Variants in KNTC1 observed in about 807,000 individuals in gnomAD.
KNTC1 encodes the protein kinetochore associated 1.
In KNTC1, 253 loss-of-function variants were observed where a neutral mutation model predicts 314.4. The ratio of observed to expected loss-of-function variants is 0.80; its 90% CI spans 0.73 to 0.89. The LOEUF (loss-of-function observed/expected upper bound fraction) is 0.89. Among genes scored for constraint, KNTC1 ranks in the 40% least tolerant of loss-of-function variants. The pLI, the probability that KNTC1 is intolerant of heterozygous loss-of-function variation, is 0.00. For missense variants in KNTC1, 2,475 were observed against 2,572.9 expected, an observed-to-expected ratio of 0.96 and a Z score of 0.82; for synonymous variants, 901 against 901.4, an observed-to-expected ratio of 1.00 and a Z score of 0.01.
intron 39 of KNTC1, 148 bp downstream of exon 39, chr12:122,588,022 C>G: frequency 3.0e-6 from 2 of 664,758 alleles, no homozygotes; most frequent in Non-Finnish European, 4.8e-6. Context: ...TTGAGCATCT[C>G]TAAGAATCTG....
intron 40 of KNTC1, among the ~76,000 whole-genome samples, chr12:122,589,643 A>C (rs1869877398): frequency 6.6e-6 from 1 of 151,028 alleles, no homozygotes; most frequent in African/African-American, 2.4e-5. Context: ...GCCAATTTGT[A>C]AAAATTTTTT....
chr12:122,594,529 A>G (rs1870767002), intron 43 of KNTC1, 144 bp downstream of exon 43: 1 of 600,782 alleles, frequency 1.7e-6, no homozygotes, highest in Admixed American at 3.1e-5. Context: ...TAAATATGAA[A>G]TCAGATTAGA....
In KNTC1 at chr12:122,582,895, C is replaced by T. The variant is rs1160739010; in HGVS notation, c.3173C>T (p.Ala1058Val). The change falls in exon 34 of 64, where the codon GCC becomes GTC. Residue 1058 changes from alanine (A) to valine (V), a missense_variant. Coordinates refer to ENST00000333479, the MANE Select transcript of KNTC1 (RefSeq NM_014708.6). ...TCAAAGCTGCACAGACAGGCACTGG[C>T]CCTGCAGATGTCCAAACAAGAGCTG... ...MESKLHRQAL[A>V]LQMSKQELEA... 6.2e-7 allele frequency: 1 copy of T among 1,613,036 alleles called. No individual in the cohort carries two copies. The highest frequency in any genetic ancestry group is 8.5e-7 in the Non-Finnish European group (1 of 1,179,512).
intron 19 of KNTC1, 113 bp from the exon 20 acceptor site, chr12:122,562,525 G>A (rs922985412): frequency 3.0e-6 from 2 of 668,866 alleles, no homozygotes; most frequent in East Asian, 2.9e-5. Flanking sequence ...GAGTTGTGAT[G>A]TGAGATAAAT....
chr12:122,576,329 A>G (rs1965018589), intron 29 of KNTC1, among the ~76,000 whole-genome samples: 1 of 151,988 alleles, frequency 6.6e-6, no homozygotes, highest in Non-Finnish European at 1.5e-5. Context: ...TCGGCCTCCC[A>G]TAGTGTTGGG....
chr12:122,538,268 A>G (rs1180446853), intron 3 of KNTC1, 71 bp from the exon 4 acceptor site: 15 of 890,632 alleles, frequency 1.7e-5, no homozygotes, highest in Non-Finnish European at 2.3e-5. Flanking sequence ...AATGAGAAAA[A>G]TTTGTATTTT....
intron 62 of KNTC1, among the ~76,000 whole-genome samples, chr12:122,623,849 C>T (rs1435638210): frequency 3.9e-5 from 6 of 152,068 alleles, no homozygotes; most frequent in African/African-American, 1.4e-4. Flanking sequence ...GGTGGATCAC[C>T]TGAGGTTAGG....
At chr12:122,619,481 C>T (rs1391024558) in intron 59 of KNTC1, among the ~76,000 whole-genome samples, 2 of 152,054 alleles carry the variant, frequency 1.3e-5, no homozygotes, top group South Asian at 2.1e-4. Flanking sequence ...GGCGCCATCT[C>T]GGCTCACTGT....
At chr12:122,558,239 G>C (rs989130202) in intron 18 of KNTC1, among the ~76,000 whole-genome samples, 1 of 151,646 alleles carries the variant, frequency 6.6e-6, no homozygotes, top group African/African-American at 2.4e-5. Flanking sequence ...GACAGAGCAA[G>C]ACTGTGTCTC....
At chr12:122,528,043 A>G (rs899785679) in intron 1 of KNTC1, among the ~76,000 whole-genome samples, 1 of 152,212 alleles carries the variant, frequency 6.6e-6, no homozygotes, top group African/African-American at 2.4e-5. Context: ...GCAAAAACAT[A>G]AACTTCATAA....
intron 33 of KNTC1, among the ~76,000 whole-genome samples, chr12:122,582,245 C>T (rs972635283): frequency 3.3e-5 from 5 of 152,138 alleles, no homozygotes; most frequent in East Asian, 1.9e-4. Context: ...AGTGAGACCT[C>T]GTCTCTACTA....
chr12:122,607,726 A>C (rs567752921), intron 51 of KNTC1, among the ~76,000 whole-genome samples: 14 of 151,958 alleles, frequency 9.2e-5, no homozygotes, highest in Middle Eastern at 6.8e-3. Flanking sequence ...TCCTCTTCCA[A>C]CTCCTTTCCT....
At position 122,603,133 on chromosome 12, in the gene KNTC1, A is replaced by T. The variant is rs1426859546; in HGVS notation, c.4991A>T (p.Asn1664Ile). The part of the protein sequence containing the change: ...LTQAKSSTLI[N>I]KEITKITQTI... Reference sequence around the variant, plus strand: ...CAAGCTAAATCCTCAACACTGATTAACAAGGAAATAACTAAGATCACGCAG... The same window carrying T: ...CAAGCTAAATCCTCAACACTGATTATCAAGGAAATAACTAAGATCACGCAG... Residue 1664 changes from asparagine to isoleucine, a missense_variant, in exon 48 of 64, where the codon AAC becomes ATC. Physicochemically the swap from Asn to Ile is moderately radical, Grantham distance 149. Coordinates refer to ENST00000333479, the MANE Select transcript of KNTC1 (RefSeq NM_014708.6). 1 of 1,613,762 alleles carries T rather than the reference A, an allele frequency of 6.2e-7. No homozygotes were observed. The highest frequency in any genetic ancestry group is 8.5e-7 in the Non-Finnish European group (1 of 1,179,854).
chr12:122,625,374 A>G (rs1199008097), intron 63 of KNTC1, among the ~76,000 whole-genome samples: 2 of 151,762 alleles, frequency 1.3e-5, no homozygotes, highest in East Asian at 3.9e-4. Flanking sequence ...CTGCACCCCA[A>G]CCTGGCTGAC....
chr12:122,557,699 T>A lies in KNTC1; in HGVS notation c.1488+10T>A, dbSNP rs763248953. ...TTATGCCAAAACCAGGGTAGGTTCGTTTTTTTGTATTTTGTTTTTTTGGGG... is the reference window on the plus strand; with the variant it reads ...TTATGCCAAAACCAGGGTAGGTTCGATTTTTTGTATTTTGTTTTTTTGGGG... On this transcript the variant is annotated intron_variant, in intron 18 of 63. Coordinates refer to ENST00000333479, the MANE Select transcript of KNTC1 (RefSeq NM_014708.6). 1.9e-6 allele frequency: 3 copies of A among 1,599,738 alleles called. No homozygotes were observed. Among genetic ancestry groups the A allele is most frequent in the Non-Finnish European group, 1.7e-6 (2 of 1,170,800 alleles).
intron 63 of KNTC1, among the ~76,000 whole-genome samples, chr12:122,625,257 G>A (rs1165510756): frequency 6.6e-6 from 1 of 152,038 alleles, no homozygotes; most frequent in Non-Finnish European, 1.5e-5. Flanking sequence ...ACAAAAATTA[G>A]CCAGGCGTGG....
chr12:122,554,076 A>AATATATATATATATATAT (rs60404988), intron 16 of KNTC1, among the ~76,000 whole-genome samples: 19 of 109,028 alleles, frequency 1.7e-4, no homozygotes, highest in African/African-American at 6.2e-4. Context: ...AAAAAAAAAA[A>AATATATATATATATATAT]ATATATATAT....
intron 57 of KNTC1, 89 bp from the exon 58 acceptor site, chr12:122,618,254 G>A (rs1380137073): frequency 1.8e-6 from 2 of 1,112,178 alleles, no homozygotes; most frequent in Non-Finnish European, 2.7e-6. Flanking sequence ...TTATAGGTGT[G>A]AGCCACCGCG....
chr12:122,595,405 G>C (rs1870900871), intron 43 of KNTC1, among the ~76,000 whole-genome samples: 1 of 152,226 alleles, frequency 6.6e-6, no homozygotes, highest in African/African-American at 2.4e-5. Context: ...TATGTGACCT[G>C]CTCAAGGTCA....
Sources: allele counts gnomAD v4.1 joint callset (sites outside exome capture counted in the v4.1 genomes callset), GRCh38; gene constraint gnomAD v4.1.1; transcripts MANE v1.5; gene names NCBI Gene and HGNC (gene_info 2026-07-23, HGNC 2026-07-21).